USP18: variants seen among roughly 807,000 people sequenced by gnomAD.
The protein encoded by USP18 is ubl carboxyl-terminal hydrolase 18.
USP18 carries 11 observed loss-of-function variants against 48.7 expected under a neutral mutation model. The ratio of observed to expected loss-of-function variants is 0.23; its 90% confidence interval spans 0.14 to 0.37. The LOEUF (loss-of-function observed/expected upper bound fraction) is 0.37. Among genes scored for constraint, USP18 ranks in the 10% least tolerant of loss-of-function variants. The probability of loss-of-function intolerance (pLI) is 1.00; values close to 1 mark genes in which losing one functional copy is unlikely to be tolerated. For synonymous variants in USP18, 114 were observed against 163.2 expected (o/e 0.70, Z 2.30); for missense variants, 285 against 436.4 (o/e 0.65, Z 3.09).
intron 6 of USP18, among the ~76,000 whole-genome samples, chr22:18,168,406 T>C (rs1279577851): frequency 1.1e-4 from 16 of 144,088 alleles, no homozygotes; most frequent in Non-Finnish European, 2.4e-4. Flanking sequence ...CCCCCCCCCC[T>C]TTTTTTTGGA....
At chr22:18,155,309 G>A (rs573821672) in intron 1 of USP18, among the ~76,000 whole-genome samples, 2 of 152,330 alleles carry the variant, frequency 1.3e-5, no homozygotes, top group South Asian at 2.1e-4. Context: ...GCTCTGCCCA[G>A]TACTGGGTTT....
rs1929482082 is a variant in USP18 at position 18,166,564 on chromosome 22, A to G, written c.401-691A>G. ...AAGGTGGCAACACTGGACATCAGAG[A>G]TCCCCACAGCAGGGTTTGTTGTTGT... On this transcript the variant is annotated intron_variant, in intron 4 of 10. Transcript: ENST00000215794. Among the ~76,000 whole-genome samples, 6 of 151,176 alleles carry G rather than the reference A, an allele frequency of 4.0e-5. No homozygotes were observed. The South Asian group carries it at 1.3e-3, about 32-fold the overall frequency.
Position 18,157,754 on chromosome 22 carries a change from G to A in USP18, c.91G>A (p.Glu31Lys), listed in dbSNP as rs754006348. 8 of 1,614,126 alleles carry A rather than the reference G, an allele frequency of 5.0e-6. No individual in the cohort carries two copies. The South Asian group carries it at 8.8e-5, about 18-fold the overall frequency. The change falls in exon 2 of 11, where the codon GAA becomes AAA. Residue 31 changes from glutamate (E) to lysine (K), a missense_variant. Physicochemically the swap from Glu to Lys is moderately conservative, Grantham distance 56. This residue lies in a region of USP18 where 199 missense variants were observed against 239.6 expected (regional missense o/e 0.83). Coordinates refer to ENST00000215794, the MANE Select transcript of USP18 (RefSeq NM_017414.4). The stretch of plus-strand genomic sequence containing the variant: ...CCCGGCAGATCTTGAAGAAAAGAAG[G>A]AAGAAGACAGCAACATGAAGAGAGA... Reference protein sequence around the residue: ...QSPADLEEKKEEDSNMKREQP... With the variant: ...QSPADLEEKKKEDSNMKREQP...
chr22:18,164,899 G>A lies in USP18; in HGVS notation c.401-2356G>A, dbSNP rs565211623. ...CCTCTCCAGGAGAAAGCTGGGAGTAGGGATTCCTTCCTCACAGTAAGGTAC... is the reference window on the plus strand; with the variant it reads ...CCTCTCCAGGAGAAAGCTGGGAGTAAGGATTCCTTCCTCACAGTAAGGTAC... On this transcript the variant is annotated intron_variant, in intron 4 of 10. Transcript: ENST00000215794. Among the ~76,000 whole-genome samples the A allele has an allele frequency of 7.2e-5, 11 of 152,220 alleles. 1 individual carries two copies. The South Asian group carries it at 2.3e-3, about 32-fold the overall frequency.
At chr22:18,150,875 C>T (rs1035646148) in intron 1 of USP18, among the ~76,000 whole-genome samples, 1 of 152,198 alleles carries the variant, frequency 6.6e-6, no homozygotes, top group Non-Finnish European at 1.5e-5. Context: ...TCGCTTGAAC[C>T]CGGGAGCGGA....
chr22:18,173,004 C>T, intron 8 of USP18, 146 bp from the exon 9 acceptor site: 1 of 1,469,234 alleles, frequency 6.8e-7, no homozygotes. Context: ...AAAGCCCCTC[C>T]TGGAGGGTGC....
chr22:18,152,251 G>C (rs9604831), intron 1 of USP18, among the ~76,000 whole-genome samples: 40,719 of 151,728 alleles, frequency 0.27, 6,212 homozygotes, highest in African/African-American at 0.41. Context: ...TCCTGGCAGA[G>C]AGTCCAGTTG....
chr22:18,175,138 C>T (rs1338963935), intron 10 of USP18, among the ~76,000 whole-genome samples: 1 of 152,168 alleles, frequency 6.6e-6, no homozygotes. Flanking sequence ...TGGTCTCGAT[C>T]TCCTGACCTC....
chr22:18,174,227 T>TC (rs1348316487), intron 10 of USP18, among the ~76,000 whole-genome samples: 24 of 149,270 alleles, frequency 1.6e-4, no homozygotes, highest in African/African-American at 6.1e-4. Context: ...TCTTTTCTTT[T>TC]CTTTTCTTTT....
chr22:18,159,912 C>T (rs1329529264), intron 2 of USP18, among the ~76,000 whole-genome samples: 7 of 151,782 alleles, frequency 4.6e-5, no homozygotes, highest in African/African-American at 7.3e-5. Flanking sequence ...CTCCTGACCT[C>T]GTGATCTGCC....
At chr22:18,155,554 A>G (rs1929108020) in intron 1 of USP18, among the ~76,000 whole-genome samples, 1 of 152,152 alleles carries the variant, frequency 6.6e-6, no homozygotes, top group Non-Finnish European at 1.5e-5. Flanking sequence ...CTGGGGCTGC[A>G]CGCGGTGCTT....
intron 4 of USP18, among the ~76,000 whole-genome samples, chr22:18,164,369 G>A (rs923213157): frequency 2.0e-5 from 3 of 151,920 alleles, no homozygotes; most frequent in East Asian, 1.9e-4. Context: ...TGCCCCTGTG[G>A]GACTTACAAA....
At chr22:18,167,570 A>C (rs2542105) in intron 5 of USP18, among the ~76,000 whole-genome samples, 61,153 of 151,322 alleles carry the variant, frequency 0.4, 13,420 homozygotes, top group African/African-American at 0.58. Flanking sequence ...TGGTGGCGGG[A>C]GCCTGTAGTC....
chr22:18,167,386 C>T (rs1052487616), intron 5 of USP18, 52 bp downstream of exon 5: 15 of 1,601,820 alleles, frequency 9.4e-6, no homozygotes, highest in African/African-American at 6.7e-5. Flanking sequence ...GCTCATTTCA[C>T]TCATTCAGCT....
intron 1 of USP18, among the ~76,000 whole-genome samples, chr22:18,153,264 A>G (rs985183465): frequency 6.6e-6 from 1 of 152,146 alleles, no homozygotes; most frequent in African/African-American, 2.4e-5. Context: ...CCCCGTCTCT[A>G]CTAAAAATAC....
intron 4 of USP18, among the ~76,000 whole-genome samples, chr22:18,162,220 A>G (rs1044601655): frequency 2.6e-5 from 4 of 152,220 alleles, no homozygotes; most frequent in African/African-American, 9.6e-5. Context: ...AGGGAACTGC[A>G]GGAAAACAGA....
At chr22:18,156,122 G>C (rs1569208460) in intron 1 of USP18, among the ~76,000 whole-genome samples, 1 of 152,164 alleles carries the variant, frequency 6.6e-6, no homozygotes, top group Non-Finnish European at 1.5e-5. Context: ...TACTCTGGTG[G>C]GGACTTGGAG....
chr22:18,171,757 T>C (rs1490601371), intron 8 of USP18, among the ~76,000 whole-genome samples: 1 of 152,162 alleles, frequency 6.6e-6, no homozygotes, highest in Admixed American at 6.6e-5. Flanking sequence ...GTCTCTTCTG[T>C]TTTATTGGTC....
chr22:18,175,314 T>G (rs1344492377), intron 10 of USP18, among the ~76,000 whole-genome samples: 2 of 152,090 alleles, frequency 1.3e-5, no homozygotes, highest in Non-Finnish European at 2.9e-5. Context: ...GGAGACTGTA[T>G]ATCAGAGATC....
Sources: allele counts gnomAD v4.1 joint callset (sites outside exome capture counted in the v4.1 genomes callset), GRCh38; gene constraint gnomAD v4.1.1; regional missense constraint gnomAD v4.1.1; transcripts MANE v1.5; gene names NCBI Gene and HGNC (gene_info 2026-07-23, HGNC 2026-07-21).